CGNL1: variants seen among roughly 807,000 people sequenced by gnomAD.
CGNL1 encodes cingulin like 1, also known as cingulin-like protein 1.
CGNL1 carries 132 observed loss-of-function variants against 141.2 expected under a neutral mutation model. The ratio of observed to expected loss-of-function variants is 0.93; its 90% confidence interval spans 0.81 to 1.08. CGNL1 has a LOEUF of 1.08. Among genes scored for constraint, CGNL1 ranks in the 50% least tolerant of loss-of-function variants. The probability of loss-of-function intolerance (pLI) is 0.00; values close to 1 mark genes in which losing one functional copy is unlikely to be tolerated. For missense variants in CGNL1, 1,870 were observed against 1,588.6 expected, an observed-to-expected ratio of 1.18 and a Z score of -3.01; for synonymous variants, 690 against 622.1, an observed-to-expected ratio of 1.11 and a Z score of -1.63.
chr15:57,532,896 GTCT>G (rs1485242160), intron 14 of CGNL1, among the ~76,000 whole-genome samples: 3 of 152,074 alleles, frequency 2.0e-5, no homozygotes, highest in Non-Finnish European at 4.4e-5. Flanking sequence ...TTATGTTTTT[GTCT>G]TCTTTTTCAA....
chr15:57,415,792 A>G (rs544576292), intron 1 of CGNL1, among the ~76,000 whole-genome samples: 64 of 152,358 alleles, frequency 4.2e-4, no homozygotes, highest in Non-Finnish European at 4.4e-5. Flanking sequence ...GGGAAAGCTG[A>G]TGATGCCTTT....
rs1567169693 is a variant in CGNL1, at chr15:57,524,689, T to A, written c.2977T>A (p.Leu993Met). Residue 993 changes from leucine (L) to methionine (M), a missense_variant, in exon 12 of 19, where the codon TTG becomes ATG. Physicochemically the swap from Leu to Met is conservative, Grantham distance 15. Coordinates refer to ENST00000281282, the MANE Select transcript of CGNL1 (RefSeq NM_032866.5). The stretch of plus-strand genomic sequence containing the variant: ...GGAGCTCGCAGAAATGCAAAGACAG[T>A]TGAAGGAGAAAACGCTGGAGGCAGA... ...RRELAEMQRQ[L>M]KEKTLEAEKS... is the part of the protein sequence containing the mutation. 3 of 1,614,142 alleles carry A rather than the reference T, an allele frequency of 1.9e-6. No homozygotes were observed. Among genetic ancestry groups the A allele is most frequent in the Non-Finnish European group, 2.5e-6 (3 of 1,180,002 alleles).
chr15:57,407,982 A>G (rs902759634), intron 1 of CGNL1, among the ~76,000 whole-genome samples: 7 of 151,918 alleles, frequency 4.6e-5, no homozygotes, highest in African/African-American at 9.7e-5. Flanking sequence ...CTCCTGACCT[A>G]AGGTGATCCA....
intron 1 of CGNL1, chr15:57,404,983 A>G (rs1454831631): frequency 6.6e-6 from 1 of 152,198 alleles, no homozygotes; most frequent in African/African-American, 2.4e-5. Flanking sequence ...TAAAATGGGA[A>G]TGCTAATCAT....
chr15:57,396,532 C>G (rs2062604908), intron 1 of CGNL1, among the ~76,000 whole-genome samples: 1 of 152,202 alleles, frequency 6.6e-6, no homozygotes, highest in African/African-American at 2.4e-5. Flanking sequence ...CTTGGCCTCC[C>G]AAAGTGCTGG....
chr15:57,429,971 C>T (rs762742747), intron 1 of CGNL1, among the ~76,000 whole-genome samples: 38 of 152,256 alleles, frequency 2.5e-4, no homozygotes, highest in Middle Eastern at 3.4e-3. Context: ...CCACCACACT[C>T]AGCTAATTTT....
intron 1 of CGNL1, among the ~76,000 whole-genome samples, chr15:57,380,643 C>T (rs1375997560): frequency 2.0e-5 from 3 of 152,046 alleles, no homozygotes; most frequent in East Asian, 1.9e-4. Flanking sequence ...TGGAAATGTC[C>T]GACTCCAGGA....
At chr15:57,520,145 T>C (rs2031150290) in intron 10 of CGNL1, among the ~76,000 whole-genome samples, 1 of 152,238 alleles carries the variant, frequency 6.6e-6, no homozygotes, top group African/African-American at 2.4e-5. Context: ...GCAGTGCAGC[T>C]GGCAAGAATT....
At chr15:57,415,068 T>C (rs1226515093) in intron 1 of CGNL1, among the ~76,000 whole-genome samples, 5 of 152,188 alleles carry the variant, frequency 3.3e-5, no homozygotes, top group African/African-American at 1.2e-4. Flanking sequence ...GCAGCAGCCT[T>C]GGGAAGGTAG....
chr15:57,444,176 C>A (rs1448683848), intron 4 of CGNL1, among the ~76,000 whole-genome samples: 1 of 151,484 alleles, frequency 6.6e-6, no homozygotes, highest in African/African-American at 2.4e-5. Context: ...CCTTTCTTGA[C>A]TTTTATATAA....
At chr15:57,396,273 C>G (rs1466971199) in intron 1 of CGNL1, among the ~76,000 whole-genome samples, 6 of 129,794 alleles carry the variant, frequency 4.6e-5, no homozygotes, top group Non-Finnish European at 8.0e-5. Context: ...TACTTTCTTT[C>G]TTTGTTTTTT....
chr15:57,407,839 C>T (rs2152265319), intron 1 of CGNL1, among the ~76,000 whole-genome samples: 1 of 150,338 alleles, frequency 6.7e-6, no homozygotes, highest in South Asian at 2.1e-4. Context: ...ACCTCCGTCT[C>T]CTGGGTTCAA....
chr15:57,407,615 G>T (rs774312321), intron 1 of CGNL1, among the ~76,000 whole-genome samples: 1 of 152,110 alleles, frequency 6.6e-6, no homozygotes, highest in Non-Finnish European at 1.5e-5. Context: ...TGAGGCTACC[G>T]TGAACTGTGA....
chr15:57,474,247 T>A (rs1328760153), intron 8 of CGNL1, among the ~76,000 whole-genome samples: 1 of 152,058 alleles, frequency 6.6e-6, no homozygotes, highest in East Asian at 1.9e-4. Flanking sequence ...CTCAGAAACT[T>A]TGTGAGGTAA....
intron 1 of CGNL1, among the ~76,000 whole-genome samples, chr15:57,399,137 G>T (rs2062632835): frequency 6.6e-6 from 1 of 152,152 alleles, no homozygotes; most frequent in Non-Finnish European, 1.5e-5. Context: ...GGACTTTTTA[G>T]GGAAGTCCTT....
chr15:57,530,442 G>A (rs2031885629), intron 13 of CGNL1, among the ~76,000 whole-genome samples: 1 of 152,332 alleles, frequency 6.6e-6, no homozygotes, highest in Middle Eastern at 3.4e-3. Context: ...CCGTCTTGCT[G>A]TGACTACGTC....
intron 4 of CGNL1, among the ~76,000 whole-genome samples, chr15:57,445,650 C>T (rs527859169): frequency 1.8e-4 from 28 of 152,268 alleles, no homozygotes; most frequent in Admixed American, 1.5e-3. Flanking sequence ...TGTTTCTAAT[C>T]ATCTTCACAG....
At chr15:57,532,712 G>A (rs1183723260) in intron 14 of CGNL1, among the ~76,000 whole-genome samples, 1 of 152,196 alleles carries the variant, frequency 6.6e-6, no homozygotes, top group Admixed American at 6.5e-5. Context: ...TCAAGGAAAA[G>A]GCTGCATCGT....
At chr15:57,520,540 A>G (rs1328825283) in intron 10 of CGNL1, among the ~76,000 whole-genome samples, 1 of 152,230 alleles carries the variant, frequency 6.6e-6, no homozygotes, top group Non-Finnish European at 1.5e-5. Flanking sequence ...GGTTAGCTCA[A>G]TGCCCTACCG....
Sources: allele counts gnomAD v4.1 joint callset (sites outside exome capture counted in the v4.1 genomes callset), GRCh38; gene constraint gnomAD v4.1.1; transcripts MANE v1.5; gene names NCBI Gene and HGNC (gene_info 2026-07-23, HGNC 2026-07-21).